The following ELFN1 variants were observed in gnomAD, a reference collection of about 807,000 sequenced individuals.
The protein encoded by ELFN1 is extracellular leucine rich repeat and fibronectin type III domain containing 1, also known as protein ELFN1.
ELFN1 carries 6 observed loss-of-function variants against 7.6 expected under a neutral mutation model. That is an observed-to-expected ratio of 0.79 (90% CI 0.43 to 1.56). The LOEUF is 1.56. ELFN1 is among the 40% of genes most tolerant of loss of function. The probability of loss-of-function intolerance (pLI) is 0.01; values close to 1 mark genes in which losing one functional copy is unlikely to be tolerated. For synonymous variants in ELFN1, 657 were observed against 588.1 expected (o/e 1.12, Z -1.70); for missense variants, 1,169 against 1,232.2 (o/e 0.95, Z 0.77).
upstream of ELFN1, among the ~76,000 whole-genome samples, chr7:1,668,297 A>G (rs1406638888): frequency 6.6e-6 from 1 of 152,230 alleles, no homozygotes; most frequent in African/African-American, 2.4e-5. Context: ...GGGAAGTAGC[A>G]GGACGTCCTG....
In ELFN1 at chr7:1,739,520, A is replaced by G. The variant is rs1211873339; in HGVS notation, c.-293-4784A>G. ...GTCGGGGGCAGCCGAGGGCCTCAAG[A>G]TAGACCGAGGGTCAGCTGCACAGAG... is the stretch of plus-strand genomic sequence containing the variant. On this transcript the variant is annotated intron_variant, in intron 3 of 3. Coordinates refer to ENST00000424383, the MANE Select transcript of ELFN1 (RefSeq NM_001128636.4). This position sits in a 1 kb window ranked among gnomAD's most constrained non-coding sequence, Gnocchi z 4.6. 1 of 152,564 alleles carries G rather than the reference A, an allele frequency of 6.6e-6. No individual in the cohort carries two copies. Among genetic ancestry groups the G allele is most frequent in the East Asian group, 1.9e-4 (1 of 5,192 alleles). 9.5% of individuals were successfully genotyped at this position (152,564 alleles called of 1,614,324 possible).
At chr7:1,681,872 C>G (rs953739620) in intron 1 of ELFN1, among the ~76,000 whole-genome samples, 18 of 152,202 alleles carry the variant, frequency 1.2e-4, no homozygotes, top group African/African-American at 4.1e-4. Context: ...TTTTCATGTG[C>G]TCATTAGGCA....
intron 3 of ELFN1, among the ~76,000 whole-genome samples, chr7:1,718,878 C>T (rs1183428270): frequency 6.6e-6 from 1 of 152,174 alleles, no homozygotes; most frequent in Non-Finnish European, 1.5e-5. Context: ...GGGTCTTGGG[C>T]CTCTGCCCTC....
At chr7:1,710,695 C>T (rs1387911805) in intron 3 of ELFN1, among the ~76,000 whole-genome samples, 7 of 152,228 alleles carry the variant, frequency 4.6e-5, no homozygotes, top group Non-Finnish European at 2.9e-5. Flanking sequence ...CGTTTCTCCA[C>T]GTCTTTCTCT....
intron 3 of ELFN1, among the ~76,000 whole-genome samples, chr7:1,736,447 G>A (rs994153591): frequency 6.6e-6 from 1 of 152,232 alleles, no homozygotes; most frequent in Non-Finnish European, 1.5e-5. Flanking sequence ...GCCCGTCCCA[G>A]CACGGCTGTT....
chr7:1,703,337 C>T (rs1178171399), intron 2 of ELFN1, among the ~76,000 whole-genome samples: 1 of 152,184 alleles, frequency 6.6e-6, no homozygotes, highest in Non-Finnish European at 1.5e-5. Flanking sequence ...TGCTATACAG[C>T]TTTTAATTTG....
intron 3 of ELFN1, among the ~76,000 whole-genome samples, chr7:1,715,725 A>G (rs747041667): frequency 3.9e-5 from 6 of 152,078 alleles, no homozygotes; most frequent in Non-Finnish European, 7.4e-5. Flanking sequence ...TAATTAGCAG[A>G]CAGAAGGCGT....
intron 1 of ELFN1, among the ~76,000 whole-genome samples, chr7:1,676,531 G>GA (rs1778874756): frequency 6.6e-6 from 1 of 152,244 alleles, no homozygotes; most frequent in South Asian, 2.1e-4. Flanking sequence ...ACCAGTTCTG[G>GA]AAAGGGCAGA....
At chr7:1,701,573 G>A (rs1368716765) in intron 2 of ELFN1, among the ~76,000 whole-genome samples, 2 of 152,100 alleles carry the variant, frequency 1.3e-5, no homozygotes, top group Admixed American at 6.6e-5. Flanking sequence ...ACTTTGGGAG[G>A]CTGAGGTGGG....
chr7:1,736,540 G>A (rs1035601248), intron 3 of ELFN1, among the ~76,000 whole-genome samples: 1 of 152,260 alleles, frequency 6.6e-6, no homozygotes, highest in Non-Finnish European at 1.5e-5. Flanking sequence ...GACACAGGCC[G>A]CGGAAGGAAC....
At chr7:1,674,028 A>G (rs1778818822) in intron 1 of ELFN1, among the ~76,000 whole-genome samples, 1 of 151,936 alleles carries the variant, frequency 6.6e-6, no homozygotes, top group Non-Finnish European at 1.5e-5. Context: ...GGTACACAGG[A>G]GCTGGTGGGG....
chr7:1,725,869 ACT>A (rs1051330909), intron 3 of ELFN1, among the ~76,000 whole-genome samples: 6 of 152,070 alleles, frequency 3.9e-5, no homozygotes, highest in African/African-American at 1.4e-4. Flanking sequence ...CACAGTACAC[ACT>A]CGCACAAAAA....
rs935336609 is a variant in ELFN1 at position 1,745,031 on chromosome 7, G to A, written c.435G>A (p.Glu145=). 11 of 1,551,010 alleles carry A rather than the reference G, an allele frequency of 7.1e-6. No homozygotes were observed. The Admixed American group carries it at 2.2e-4, about 30-fold the overall frequency. The change falls in exon 4 of 4, where the codon GAG becomes GAA. Residue 145 remains glutamate (E), a synonymous_variant. Coordinates refer to ENST00000424383, the MANE Select transcript of ELFN1 (RefSeq NM_001128636.4). ...EYLYLQANLI[E]VVMASSFWEC... ...TGTACCTGCAGGCCAACCTCATCGA[G>A]GTGGTCATGGCCAGCAGCTTCTGGG...
chr7:1,723,551 G>C (rs564162893), intron 3 of ELFN1, among the ~76,000 whole-genome samples: 1 of 152,282 alleles, frequency 6.6e-6, no homozygotes, highest in Admixed American at 6.5e-5. Context: ...ACAAGGTTCT[G>C]GTCCACTCTC....
intron 2 of ELFN1, among the ~76,000 whole-genome samples, chr7:1,697,106 C>A (rs1025621029): frequency 6.6e-6 from 1 of 152,156 alleles, no homozygotes; most frequent in African/African-American, 2.4e-5. Flanking sequence ...CTGGGCTTCG[C>A]GGCAGGGGTG....
chr7:1,705,051 G>A lies in ELFN1; in HGVS notation c.-455-4040G>A, dbSNP rs1312610744. Among the ~76,000 whole-genome samples, 2 of 152,136 alleles carry A rather than the reference G, an allele frequency of 1.3e-5. No individual in the cohort carries two copies. Among genetic ancestry groups the A allele is most frequent in the East Asian group, 1.9e-4 (1 of 5,166 alleles). The stretch of plus-strand genomic sequence containing the variant: ...CACAGCAAGTGCAGAGGGCAGAGGT[G>A]GAGACCTGCTGGGGTGGGGGGCGCG... On this transcript the variant is annotated intron_variant, in intron 2 of 3. Coordinates refer to ENST00000424383, the MANE Select transcript of ELFN1 (RefSeq NM_001128636.4). This position sits in a 1 kb window ranked among gnomAD's most constrained non-coding sequence, Gnocchi z 4.3.
chr7:1,679,504 C>T (rs1421049234), intron 1 of ELFN1, among the ~76,000 whole-genome samples: 2 of 152,130 alleles, frequency 1.3e-5, no homozygotes, highest in African/African-American at 2.4e-5. Flanking sequence ...CCCACAGGAA[C>T]GTTCCCTGGA....
chr7:1,746,677 C>T lies in ELFN1; in HGVS notation c.2081C>T (p.Ala694Val). ...TPAAAVLRAE[A>V]EKGRQYGEHR... The stretch of plus-strand genomic sequence containing the variant: ...GCGGCCGCCGTGCTGCGGGCCGAGG[C>T]CGAGAAGGGTCGCCAGTACGGCGAG... The change falls in exon 4 of 4, where the codon GCC (alanine) becomes GTC (valine). Residue 694 changes from alanine (A) to valine (V), a missense_variant. Ala to Val is a moderately conservative substitution (Grantham distance 64). Transcript: ENST00000424383. 1 of 1,416,892 alleles carries T rather than the reference C, an allele frequency of 7.1e-7. No individual in the cohort carries two copies. Among genetic ancestry groups the T allele is most frequent in the South Asian group, 1.4e-5 (1 of 69,858 alleles). 87.8% of individuals were successfully genotyped at this position (1,416,892 alleles called of 1,614,324 possible).
intron 3 of ELFN1, among the ~76,000 whole-genome samples, chr7:1,730,684 A>G (rs1780308298): frequency 6.6e-6 from 1 of 152,242 alleles, no homozygotes; most frequent in Admixed American, 6.5e-5. Context: ...TCTTTATCGA[A>G]GTCAAGAATC....
Sources: allele counts gnomAD v4.1 joint callset (sites outside exome capture counted in the v4.1 genomes callset), GRCh38; gene constraint gnomAD v4.1.1; non-coding constraint Gnocchi (gnomAD v3.1); transcripts MANE v1.5; gene names NCBI Gene and HGNC (gene_info 2026-07-23, HGNC 2026-07-21).